CYB5R3: variants seen among roughly 807,000 people sequenced by gnomAD.
The protein encoded by CYB5R3 is cytochrome b5 reductase 3, also known as NADH-cytochrome b5 reductase 3.
Under a neutral mutation model 36.5 loss-of-function variants are expected in CYB5R3, and 28 were observed. The observed-to-expected ratio is 0.77, with a 90% CI of 0.57 to 1.05. CYB5R3 has a LOEUF of 1.05. Among genes scored for constraint, CYB5R3 ranks in the 50% least tolerant of loss-of-function variants. CYB5R3 has a pLI of 0.00. For synonymous variants in CYB5R3, 181 were observed against 159.8 expected (o/e 1.13, Z -1.00); for missense variants, 474 against 408.9 (o/e 1.16, Z -1.37).
intron 1 of CYB5R3, 165 bp from the exon 2 acceptor site, chr22:42,637,011 TAGG>T: frequency 1.1e-6 from 1 of 892,180 alleles, no homozygotes; most frequent in Non-Finnish European, 1.8e-6. Context: ...TGGTGCCCAC[TAGG>T]AGAAGCTATA....
chr22:42,619,432 G>A lies in CYB5R3; in HGVS notation c.*341C>T, dbSNP rs1172350291. On this transcript the variant is annotated 3_prime_UTR_variant, in exon 9 of 9. Transcript: ENST00000352397. ...GACATCCCGACTATGGTCCACGGCCGGGAATGGTGGGCAGACGGGGCTGCT... is the reference window on the plus strand; with the variant it reads ...GACATCCCGACTATGGTCCACGGCCAGGAATGGTGGGCAGACGGGGCTGCT... The A allele has an allele frequency of 2.3e-5, 7 of 310,508 alleles. No homozygotes were observed. Among genetic ancestry groups the A allele is most frequent in the Admixed American group, 8.9e-5 (2 of 22,452 alleles). 19.2% of individuals were successfully genotyped at this position (310,508 alleles called of 1,614,324 possible).
intron 4 of CYB5R3, among the ~76,000 whole-genome samples, chr22:42,628,787 T>C (rs924776039): frequency 2.0e-5 from 3 of 152,038 alleles, no homozygotes; most frequent in South Asian, 2.1e-4. Context: ...ATCCGACACC[T>C]ACAAAGAAAT....
At chr22:42,620,117 G>T (rs1346232751) in intron 8 of CYB5R3, among the ~76,000 whole-genome samples, 172 bp from the exon 9 acceptor site, 1 of 152,162 alleles carries the variant, frequency 6.6e-6, no homozygotes, top group African/African-American at 2.4e-5. Flanking sequence ...TATGGCCTCA[G>T]GCCCTGCAGC....
rs541011777 is a variant in CYB5R3, at chr22:42,619,484, T to G, written c.*289A>C. 6.9e-5 allele frequency: 33 copies of G among 479,266 alleles called. No individual in the cohort carries two copies. Among genetic ancestry groups the G allele is most frequent in the South Asian group, 1.9e-4 (8 of 42,914 alleles). The allele number at this position is 479,266 out of a possible 1,614,324, so 29.7% of individuals were successfully genotyped here. A position where few individuals can be genotyped will look rare whatever the true frequency, so the allele number is the denominator to read the frequency against. On this transcript the variant is annotated 3_prime_UTR_variant, in exon 9 of 9. Coordinates refer to ENST00000352397, the MANE Select transcript of CYB5R3 (RefSeq NM_000398.7). ...GCAGCCCTCAGCCTTATAGTGTGTG[T>G]GGGGGGTGGACGAGGGGTCATGAGG...
chr22:42,641,339 A>T (rs1929262999), intron 1 of CYB5R3, among the ~76,000 whole-genome samples: 1 of 150,798 alleles, frequency 6.6e-6, no homozygotes, highest in African/African-American at 2.4e-5. Flanking sequence ...TATTTAAGAC[A>T]GATCTGGCCC....
chr22:42,622,142 G>A lies in CYB5R3; in HGVS notation c.733+1647C>T, dbSNP rs890584676. ...TCACCATGTTGGCCAGGATGGTCTC[G>A]ATCTCTTGACCTCATGATCTGCCTG... is the stretch of plus-strand genomic sequence containing the variant. On this transcript the variant is annotated intron_variant, in intron 8 of 8. Transcript: ENST00000352397. Among the ~76,000 whole-genome samples the A allele has an allele frequency of 2.6e-5, 4 of 152,228 alleles. No individual in the cohort carries two copies. The East Asian group carries it at 5.8e-4, about 22-fold the overall frequency.
At chr22:42,644,829 G>A (rs1347585067) in intron 1 of CYB5R3, among the ~76,000 whole-genome samples, 1 of 152,194 alleles carries the variant, frequency 6.6e-6, no homozygotes, top group African/African-American at 2.4e-5. Flanking sequence ...TTCCAGCACA[G>A]CTGCGTCAGT....
At chr22:42,647,870 G>T (rs1929602363) in intron 1 of CYB5R3, among the ~76,000 whole-genome samples, 1 of 146,210 alleles carries the variant, frequency 6.8e-6, no homozygotes, top group East Asian at 1.9e-4. Flanking sequence ...TCTCAAAAAA[G>T]AAAAAAGAAA....
chr22:42,639,186 T>G, intron 1 of CYB5R3: 1 of 304,626 alleles, frequency 3.3e-6, no homozygotes, highest in South Asian at 2.5e-5. Flanking sequence ...AAAAATTAGC[T>G]GGGTGTGGTG....
chr22:42,628,233 A>G lies in CYB5R3; in HGVS notation c.382T>C (p.Ser128Pro), dbSNP rs121965006. The part of the protein sequence containing the change: ...HPKFPAGGKM[S>P]QYLESMQIGD... ...ATCTGCATGCTCTCCAGGTACTGAGACATCTTCCCTCCAGCGGGAAACTTG... is the reference window on the plus strand; with the variant it reads ...ATCTGCATGCTCTCCAGGTACTGAGGCATCTTCCCTCCAGCGGGAAACTTG... Residue 128 changes from serine (S) to proline (P), a missense_variant, in exon 5 of 9, where the codon TCT (serine) becomes CCT (proline). By Grantham distance (74) the Ser-to-Pro change is moderately conservative (BLOSUM62 -1). Transcript: ENST00000352397. 1 of 1,614,134 alleles carries G rather than the reference A, an allele frequency of 6.2e-7. No individual in the cohort carries two copies. Among genetic ancestry groups the G allele is most frequent in the Admixed American group, 1.7e-5 (1 of 60,024 alleles).
chr22:42,623,297 C>T (rs1928082791), intron 8 of CYB5R3, among the ~76,000 whole-genome samples: 1 of 152,250 alleles, frequency 6.6e-6, no homozygotes, highest in Non-Finnish European at 1.5e-5. Flanking sequence ...CCACAACTCC[C>T]TTGGCAAGCA....
intron 1 of CYB5R3, among the ~76,000 whole-genome samples, chr22:42,638,715 G>T (rs1344662715): frequency 1.5e-5 from 1 of 66,606 alleles, no homozygotes; most frequent in Admixed American, 1.8e-4. Flanking sequence ...CTGGGAGACA[G>T]AGCAAGACTC....
At chr22:42,620,999 G>A (rs909949084) in intron 8 of CYB5R3, among the ~76,000 whole-genome samples, 1 of 152,162 alleles carries the variant, frequency 6.6e-6, no homozygotes, top group Admixed American at 6.5e-5. Flanking sequence ...CACCAGATGA[G>A]TCTTTGTAAG....
intron 1 of CYB5R3, chr22:42,639,941 A>C: frequency 6.3e-7 from 1 of 1,593,810 alleles, no homozygotes; most frequent in Non-Finnish European, 8.5e-7. Context: ...AATCAAATAT[A>C]ATCAGATGTT....
At chr22:42,639,767 G>C in intron 1 of CYB5R3, 1 of 610,256 alleles carries the variant, frequency 1.6e-6, no homozygotes, top group South Asian at 2.2e-5. Flanking sequence ...TAGGGGCAAA[G>C]GGGCAACTTA....
chr22:42,623,606 G>A lies in CYB5R3; in HGVS notation c.733+183C>T, dbSNP rs576113838. Reference sequence around the variant, plus strand: ...TTCAGGCCGGGCTGTGGTGGTTTCCGGCTGTGTGGCTTCAGTGAGCCCTTG... The same window carrying A: ...TTCAGGCCGGGCTGTGGTGGTTTCCAGCTGTGTGGCTTCAGTGAGCCCTTG... On this transcript the variant is annotated intron_variant, in intron 8 of 8. Coordinates refer to ENST00000352397, the MANE Select transcript of CYB5R3 (RefSeq NM_000398.7). Among the ~76,000 whole-genome samples, 20 of 152,324 alleles carry A rather than the reference G, an allele frequency of 1.3e-4. No individual in the cohort carries two copies. In the East Asian group the frequency reaches 3.5e-3, roughly 26 times the overall value.
intron 4 of CYB5R3, among the ~76,000 whole-genome samples, chr22:42,629,571 C>G (rs1044268013): frequency 6.6e-5 from 10 of 152,202 alleles, no homozygotes; most frequent in Non-Finnish European, 1.5e-4. Flanking sequence ...GGCGCCCCAG[C>G]AAGGAAGGAG....
intron 2 of CYB5R3, 27 bp from the exon 3 acceptor site, chr22:42,631,477 CGGT>C: frequency 6.4e-7 from 1 of 1,550,744 alleles, no homozygotes; most frequent in South Asian, 1.2e-5. Context: ...AGCTGCTGAA[CGGT>C]CCCCAGGGCA....
intron 5 of CYB5R3, 128 bp from the exon 6 acceptor site, chr22:42,627,816 A>T: frequency 1.3e-6 from 1 of 780,742 alleles, no homozygotes. Flanking sequence ...TGCCATTCTA[A>T]CGCGAGCCAT....
Sources: allele counts gnomAD v4.1 joint callset (sites outside exome capture counted in the v4.1 genomes callset), GRCh38; gene constraint gnomAD v4.1.1; transcripts MANE v1.5; gene names NCBI Gene and HGNC (gene_info 2026-07-23, HGNC 2026-07-21).